SVBP: variants seen among roughly 807,000 people sequenced by gnomAD.
SVBP encodes small vasohibin-binding protein.
In SVBP, 9 loss-of-function variants were observed where a neutral mutation model predicts 9.2. That is an observed-to-expected ratio of 0.98 (90% CI 0.59 to 1.71). The LOEUF is 1.71. SVBP is among the 40% of genes most tolerant of loss of function. SVBP has a pLI of 0.00. For synonymous variants in SVBP, 27 were observed against 23.9 expected, an observed-to-expected ratio of 1.13 and a Z score of -0.37; for missense variants, 63 against 73.2, an observed-to-expected ratio of 0.86 and a Z score of 0.51.
intron 2 of SVBP, among the ~76,000 whole-genome samples, chr1:42,809,533 A>C (rs1427441157): frequency 2.6e-5 from 4 of 152,238 alleles, no homozygotes; most frequent in African/African-American, 7.2e-5. Flanking sequence ...AACTACTGAC[A>C]TAACAGAAAT....
chr1:42,817,254 G>A lies in SVBP; in HGVS notation c.-101C>T, dbSNP rs921544517. ...AGTCGCAGACAACGCCTCCGGGAGG[G>A]TAATCCTCGCCTTCCCCCGACCACT... On this transcript the variant is annotated 5_prime_UTR_variant, in exon 1 of 3. Coordinates refer to ENST00000372521, the MANE Select transcript of SVBP (RefSeq NM_199342.4). 2 of 1,251,332 alleles carry A rather than the reference G, an allele frequency of 1.6e-6. No homozygotes were observed. The highest frequency in any genetic ancestry group is 7.7e-5 in the East Asian group (1 of 13,026). 77.5% of individuals were successfully genotyped at this position (1,251,332 alleles called of 1,614,324 possible).
chr1:42,816,805 C>G, intron 1 of SVBP: 1 of 425,324 alleles, frequency 2.4e-6, no homozygotes, highest in Non-Finnish European at 4.2e-6. Flanking sequence ...CCTTAGTTTT[C>G]TGTCTGCAAA....
intron 2 of SVBP, among the ~76,000 whole-genome samples, chr1:42,810,256 C>T (rs1229704342): frequency 6.6e-6 from 1 of 151,976 alleles, no homozygotes; most frequent in East Asian, 1.9e-4. Flanking sequence ...CAAGCAATTC[C>T]CTTGCCTCAG....
At chr1:42,810,145 CACACACACAT>C (rs1557598198) in intron 2 of SVBP, among the ~76,000 whole-genome samples, 33 of 149,274 alleles carry the variant, frequency 2.2e-4, no homozygotes, top group African/African-American at 8.0e-4. Flanking sequence ...CACACACACA[CACACACACAT>C]ATATTTTTTT....
At chr1:42,810,123 CAT>C (rs1491109224) in intron 2 of SVBP, among the ~76,000 whole-genome samples, 3,975 of 133,740 alleles carry the variant, frequency 0.03, 95 homozygotes, top group South Asian at 0.13. Context: ...CACATACATA[CAT>C]ACACACACAC....
At chr1:42,808,518 A>G (rs1654016022) in intron 2 of SVBP, among the ~76,000 whole-genome samples, 1 of 146,778 alleles carries the variant, frequency 6.8e-6, no homozygotes, top group African/African-American at 2.5e-5. Flanking sequence ...AACCTCTGAC[A>G]TGACAGATCT....
At chr1:42,816,609 C>A in intron 1 of SVBP, 29 bp from the exon 2 acceptor site, 1 of 1,028,334 alleles carries the variant, frequency 9.7e-7, no homozygotes, top group Admixed American at 1.9e-5. Flanking sequence ...GGCAGATCTT[C>A]AAAACAAAAC....
intron 2 of SVBP, among the ~76,000 whole-genome samples, chr1:42,809,471 A>G (rs771374721): frequency 9.9e-5 from 15 of 152,234 alleles, no homozygotes; most frequent in Non-Finnish European, 1.8e-4. Context: ...ACAGATCAAC[A>G]TAAAAGGGAG....
At chr1:42,813,421 GT>G in intron 2 of SVBP, 1 of 567,998 alleles carries the variant, frequency 1.8e-6, no homozygotes, top group South Asian at 1.4e-5. Flanking sequence ...GGGCCCAAGC[GT>G]TCCTTCATCA....
chr1:42,816,516 GT>G lies in SVBP; in HGVS notation c.28del (p.Thr10ProfsTer22), dbSNP rs1429369162. MDPPARKEK[T>X]KVKESVSRVE... ...TCTGCTGACAGATTCTTTAACTTTG[GT>G]TTTTTCTTTACGTGCAGGTGGATCC... On this transcript the variant is annotated frameshift_variant, in exon 2 of 3. Transcript: ENST00000372521. LOFTEE classifies it high-confidence loss of function. The G allele has an allele frequency of 1.2e-6, 2 of 1,613,976 alleles. No individual in the cohort carries two copies. The highest frequency in any genetic ancestry group is 2.2e-5 in the South Asian group (2 of 91,066).
At chr1:42,809,682 C>T (rs538274439) in intron 2 of SVBP, among the ~76,000 whole-genome samples, 4 of 152,140 alleles carry the variant, frequency 2.6e-5, no homozygotes, top group Non-Finnish European at 4.4e-5. Flanking sequence ...GAATTCTACA[C>T]AGTGATGAAA....
intron 2 of SVBP, among the ~76,000 whole-genome samples, chr1:42,814,852 G>T (rs1477489818): frequency 6.6e-6 from 1 of 152,134 alleles, no homozygotes; most frequent in Non-Finnish European, 1.5e-5. Context: ...ATTTGACCCA[G>T]CCATCCCATT....
Position 42,817,317 on chromosome 1 carries a change from G to T in SVBP, c.-164C>A. The T allele has an allele frequency of 8.8e-7, 1 of 1,136,070 alleles. No individual in the cohort carries two copies. 70.4% of individuals were successfully genotyped at this position (1,136,070 alleles called of 1,614,324 possible). On this transcript the variant is annotated 5_prime_UTR_variant, in exon 1 of 3. Transcript: ENST00000372521. The stretch of plus-strand genomic sequence containing the variant: ...GCCTGCCCACCGCCCCTCGTCCTGG[G>T]CGGGGCCGCGCGCCGGGGGGAGGGG...
intron 2 of SVBP, among the ~76,000 whole-genome samples, chr1:42,808,174 TATATAC>T (rs1438449895): frequency 0.029 from 2,278 of 78,558 alleles, 78 homozygotes; most frequent in South Asian, 0.048. Context: ...TATATATATA[TATATAC>T]ATACTATGTA....
chr1:42,816,338 T>C (rs909077875), intron 2 of SVBP, 93 bp downstream of exon 2: 4 of 912,040 alleles, frequency 4.4e-6, no homozygotes, highest in Admixed American at 2.0e-5. Context: ...GAGGCAAGTA[T>C]GGCTCGCTGT....
At chr1:42,811,427 C>T (rs1057298060) in intron 2 of SVBP, among the ~76,000 whole-genome samples, 4 of 152,122 alleles carry the variant, frequency 2.6e-5, no homozygotes, top group African/African-American at 9.7e-5. Flanking sequence ...CATGTGTAGG[C>T]TTGGCTCGGT....
At chr1:42,817,164 C>T in intron 1 of SVBP, 26 bp downstream of exon 1, 1 of 1,206,098 alleles carries the variant, frequency 8.3e-7, no homozygotes, top group Middle Eastern at 2.3e-4. Flanking sequence ...CTGGAGCCGC[C>T]GACCAAGAGG....
chr1:42,808,141 G>A (rs1348365407), intron 2 of SVBP, among the ~76,000 whole-genome samples: 99 of 41,644 alleles, frequency 2.4e-3, no homozygotes, highest in African/African-American at 9.8e-3. Flanking sequence ...TATAGTGTGT[G>A]TGTGTGTGTA....
intron 2 of SVBP, among the ~76,000 whole-genome samples, chr1:42,812,105 A>C (rs1268009383): frequency 2.6e-5 from 4 of 152,098 alleles, no homozygotes; most frequent in Non-Finnish European, 5.9e-5. Flanking sequence ...AGTTTAACCA[A>C]TCTCTTTTAA....
Sources: allele counts gnomAD v4.1 joint callset (sites outside exome capture counted in the v4.1 genomes callset), GRCh38; gene constraint gnomAD v4.1.1; transcripts MANE v1.5; gene names NCBI Gene and HGNC (gene_info 2026-07-23, HGNC 2026-07-21).